The following GAB2 variants were observed in gnomAD, a reference collection of about 807,000 sequenced individuals.
The protein encoded by GAB2 is GRB2-associated-binding protein 2.
GAB2 carries 26 observed loss-of-function variants against 65.5 expected under a neutral mutation model. The observed-to-expected ratio is 0.40, with a 90% CI of 0.29 to 0.55. The LOEUF is 0.55. Ranked by LOEUF, GAB2 falls within the 20% of genes least tolerant of loss-of-function variation. The probability of loss-of-function intolerance (pLI) is 0.53; values close to 1 mark genes in which losing one functional copy is unlikely to be tolerated. For synonymous variants in GAB2, 321 were observed against 329.6 expected (o/e 0.97, Z 0.28); for missense variants, 884 against 875.8 (o/e 1.01, Z -0.12).
rs372693456 is a variant in GAB2 at position 78,233,040 on chromosome 11, GTT to G, written c.621-5991_621-5990del. On this transcript the variant is annotated intron_variant, in intron 3 of 9. Transcript: ENST00000361507. ...ACTTACCAATACCTGGCACTGTTAA[GTT>G]TTTTTTTTTTTTTTGGTGACAAGGT... 2.4e-3 allele frequency among the ~76,000 whole-genome samples: 322 copies of G among 131,910 alleles called. 3 individuals are homozygous for G. The highest frequency in any genetic ancestry group is 3.9e-3 in the South Asian group (16 of 4,066). 86.5% of individuals were successfully genotyped at this position (131,910 alleles called of 152,430 possible).
At position 78,226,931 on chromosome 11, in the gene GAB2, G is replaced by C. The variant is rs1864683434; in HGVS notation, c.741C>G (p.Gly247=). 1.9e-6 allele frequency: 3 copies of C among 1,613,778 alleles called. No individual in the cohort carries two copies. In the South Asian group the frequency reaches 3.3e-5, roughly 18 times the overall value. The change falls in exon 4 of 10, where the codon GGC becomes GGG. Residue 247 remains glycine (G), a synonymous_variant. Transcript: ENST00000361507. ...GGCTCGGCTTGGGAAGGCTATAGAAGCCATGGACTTGACCACTGATCCCGT... is the reference window on the plus strand; with the variant it reads ...GGCTCGGCTTGGGAAGGCTATAGAACCCATGGACTTGACCACTGATCCCGT... The part of the protein sequence containing the change: ...CVNGISGQVH[G]FYSLPKPSRH...
rs539599522 is a variant in GAB2, at chr11:78,239,254, T to C, written c.620+10903A>G. 6.6e-5 allele frequency among the ~76,000 whole-genome samples: 10 copies of C among 152,306 alleles called. No individual in the cohort carries two copies. The East Asian group carries it at 1.9e-3, about 29-fold the overall frequency. ...GTATTTTTTTGAGATAGAGTCTTGC[T>C]CTGTTGCCCAGGCTGGAGTACAATG... On this transcript the variant is annotated intron_variant, in intron 3 of 9. Coordinates refer to ENST00000361507, the MANE Select transcript of GAB2 (RefSeq NM_080491.3).
intron 1 of GAB2, among the ~76,000 whole-genome samples, chr11:78,365,216 T>G (rs905806123): frequency 2.0e-5 from 3 of 152,156 alleles, no homozygotes; most frequent in Non-Finnish European, 4.4e-5. Flanking sequence ...CAGAGGGACT[T>G]AAGTGTGATT....
At chr11:78,355,115 G>A (rs533749914) in intron 1 of GAB2, among the ~76,000 whole-genome samples, 3 of 152,342 alleles carry the variant, frequency 2.0e-5, no homozygotes, top group East Asian at 1.9e-4. Context: ...TAATGCATTA[G>A]TGTAATAGAG....
chr11:78,232,070 C>T (rs977101251), intron 3 of GAB2: 2 of 152,222 alleles, frequency 1.3e-5, no homozygotes, highest in African/African-American at 4.8e-5. Flanking sequence ...TTTGGCAGGA[C>T]TCTGGTTACA....
intron 1 of GAB2, among the ~76,000 whole-genome samples, chr11:78,402,541 G>A (rs12279379): frequency 2.7e-5 from 4 of 147,958 alleles, no homozygotes; most frequent in Non-Finnish European, 4.4e-5. Context: ...GCAATTCTCC[G>A]GCCTCAGCCG....
chr11:78,234,676 A>G (rs1864938055), intron 3 of GAB2, among the ~76,000 whole-genome samples: 1 of 151,154 alleles, frequency 6.6e-6, no homozygotes, highest in Non-Finnish European at 1.5e-5. Context: ...TGGACTTGCT[A>G]ATTCTTCTAG....
chr11:78,236,083 T>C (rs1305783563), intron 3 of GAB2, among the ~76,000 whole-genome samples: 1 of 152,226 alleles, frequency 6.6e-6, no homozygotes, highest in Non-Finnish European at 1.5e-5. Flanking sequence ...ATAACTACTG[T>C]ACATCACTCT....
chr11:78,228,170 C>T (rs986885321), intron 3 of GAB2, among the ~76,000 whole-genome samples: 5 of 152,144 alleles, frequency 3.3e-5, no homozygotes, highest in South Asian at 2.1e-4. Flanking sequence ...CATCTGGCCC[C>T]GATGCTCTAC....
chr11:78,345,948 T>A (rs1856172280), intron 1 of GAB2, among the ~76,000 whole-genome samples: 1 of 152,156 alleles, frequency 6.6e-6, no homozygotes, highest in Admixed American at 6.5e-5. Context: ...CAGTCTCTCC[T>A]ACCAATTTAT....
intron 1 of GAB2, among the ~76,000 whole-genome samples, 198 bp from the exon 2 acceptor site, chr11:78,281,099 G>T (rs573957338): frequency 6.6e-6 from 1 of 151,742 alleles, no homozygotes; most frequent in African/African-American, 2.4e-5. Context: ...GACTACAGAC[G>T]CACATCACCA....
chr11:78,379,447 G>A (rs529407452), intron 1 of GAB2, among the ~76,000 whole-genome samples: 2 of 152,268 alleles, frequency 1.3e-5, no homozygotes, highest in Admixed American at 1.3e-4. Context: ...CAAAATAACA[G>A]GGAAATAGAT....
chr11:78,323,741 T>C (rs1367722350), intron 1 of GAB2, among the ~76,000 whole-genome samples: 1 of 151,414 alleles, frequency 6.6e-6, no homozygotes, highest in Non-Finnish European at 1.5e-5. Flanking sequence ...CCTCAGCATC[T>C]TGTAATATAT....
intron 1 of GAB2, among the ~76,000 whole-genome samples, chr11:78,412,757 G>A (rs1857145442): frequency 6.6e-6 from 1 of 152,164 alleles, no homozygotes; most frequent in South Asian, 2.1e-4. Context: ...CCAGGCTTTA[G>A]GACAAAGCTA....
chr11:78,378,492 C>T (rs1347455595), intron 1 of GAB2, among the ~76,000 whole-genome samples: 1 of 152,116 alleles, frequency 6.6e-6, no homozygotes, highest in Non-Finnish European at 1.5e-5. Flanking sequence ...GACTTTTCTG[C>T]AAGGTGCTTT....
At chr11:78,247,066 C>T (rs1455595773) in intron 3 of GAB2, among the ~76,000 whole-genome samples, 1 of 152,182 alleles carries the variant, frequency 6.6e-6, no homozygotes, top group African/African-American at 2.4e-5. Flanking sequence ...CTTCTGGTTC[C>T]CCTACTCAGA....
At chr11:78,261,352 A>T (rs1307340844) in intron 2 of GAB2, among the ~76,000 whole-genome samples, 1 of 152,166 alleles carries the variant, frequency 6.6e-6, no homozygotes, top group Non-Finnish European at 1.5e-5. Flanking sequence ...AACACACTAG[A>T]GCAGCAAGTT....
chr11:78,256,292 A>G (rs1865594282), intron 2 of GAB2, among the ~76,000 whole-genome samples: 1 of 152,254 alleles, frequency 6.6e-6, no homozygotes, highest in African/African-American at 2.4e-5. Flanking sequence ...TAAGTGAAAG[A>G]AGCCAATCAT....
intron 1 of GAB2, among the ~76,000 whole-genome samples, chr11:78,394,263 G>A (rs936094040): frequency 6.6e-6 from 1 of 152,134 alleles, no homozygotes; most frequent in Non-Finnish European, 1.5e-5. Context: ...ATTCCAGCCT[G>A]GGTGACAGAG....
Sources: gnomAD v4.1 joint callset for allele counts (sites outside exome capture counted in the v4.1 genomes callset) on GRCh38, gnomAD v4.1.1 for gene constraint, MANE v1.5 for transcripts, NCBI Gene and HGNC (gene_info 2026-07-23, HGNC 2026-07-21) for gene names.